BMPER: variants seen among roughly 807,000 people sequenced by gnomAD.
BMPER encodes the protein BMP-binding endothelial regulator protein.
BMPER carries 45 observed loss-of-function variants against 87.3 expected under a neutral mutation model. The ratio of observed to expected loss-of-function variants is 0.52; its 90% confidence interval spans 0.41 to 0.66. The LOEUF is 0.66. BMPER is among the 30% of genes least tolerant of loss of function. The pLI, the probability that BMPER is intolerant of heterozygous loss-of-function variation, is 0.00. For missense variants in BMPER, 784 were observed against 867.5 expected, an observed-to-expected ratio of 0.90 and a Z score of 1.21; for synonymous variants, 326 against 316.2, an observed-to-expected ratio of 1.03 and a Z score of -0.33.
chr7:33,949,613 C>T (rs923094203), intron 3 of BMPER, among the ~76,000 whole-genome samples: 33 of 149,026 alleles, frequency 2.2e-4, no homozygotes, highest in Non-Finnish European at 3.3e-4. Flanking sequence ...TTTTTTTTTT[C>T]CCCATGATTT....
At chr7:34,148,627 G>A (rs1297422318) in intron 14 of BMPER, among the ~76,000 whole-genome samples, 1 of 152,024 alleles carries the variant, frequency 6.6e-6, no homozygotes, top group East Asian at 1.9e-4. Context: ...TTCTCTAGTA[G>A]TTTTCATTTC....
chr7:33,974,564 C>A (rs1351608802), intron 5 of BMPER, 138 bp from the exon 6 acceptor site: 6 of 860,992 alleles, frequency 7.0e-6, no homozygotes, highest in Non-Finnish European at 1.2e-5. Context: ...TTTCACTATG[C>A]AGCAATCTTG....
intron 3 of BMPER, among the ~76,000 whole-genome samples, chr7:33,964,931 C>A (rs560339490): frequency 6.6e-6 from 1 of 152,304 alleles, no homozygotes; most frequent in East Asian, 1.9e-4. Context: ...TTCCCTGCCT[C>A]CATCTCTCGG....
chr7:34,134,205 A>C (rs150396241), intron 13 of BMPER, among the ~76,000 whole-genome samples: 15 of 152,298 alleles, frequency 9.8e-5, no homozygotes, highest in African/African-American at 3.4e-4. Flanking sequence ...TACAGTAAGC[A>C]TGACGGTGAT....
At chr7:33,914,940 C>G (rs1438767412) in intron 2 of BMPER, among the ~76,000 whole-genome samples, 4 of 152,124 alleles carry the variant, frequency 2.6e-5, no homozygotes, top group Non-Finnish European at 5.9e-5. Context: ...TCTTCTTGGA[C>G]TATTTGAAAC....
chr7:34,032,115 A>G (rs907824745), intron 6 of BMPER, among the ~76,000 whole-genome samples: 7 of 151,330 alleles, frequency 4.6e-5, no homozygotes, highest in African/African-American at 1.5e-4. Context: ...CATGAACTCT[A>G]TGAGACTGAA....
chr7:33,930,571 A>G (rs1179666188), intron 2 of BMPER, among the ~76,000 whole-genome samples: 1 of 152,186 alleles, frequency 6.6e-6, no homozygotes, highest in Non-Finnish European at 1.5e-5. Context: ...TCGTTTGCTC[A>G]GGATTTCCCC....
At chr7:34,090,220 A>G (rs1160215284) in intron 13 of BMPER, among the ~76,000 whole-genome samples, 1 of 152,226 alleles carries the variant, frequency 6.6e-6, no homozygotes. Context: ...TTATTAGTGC[A>G]TTATAGAAAT....
chr7:33,989,680 A>C (rs1217388850), intron 6 of BMPER, among the ~76,000 whole-genome samples: 1 of 152,192 alleles, frequency 6.6e-6, no homozygotes, highest in Non-Finnish European at 1.5e-5. Flanking sequence ...TTGGACATGA[A>C]GTCCTTGCCC....
chr7:33,998,213 T>TG (rs1786473765), intron 6 of BMPER, among the ~76,000 whole-genome samples: 1 of 152,230 alleles, frequency 6.6e-6, no homozygotes, highest in Non-Finnish European at 1.5e-5. Context: ...TATCAACAGT[T>TG]GATTAACATT....
At chr7:34,072,518 C>A (rs1186203570) in intron 11 of BMPER, among the ~76,000 whole-genome samples, 4 of 151,882 alleles carry the variant, frequency 2.6e-5, no homozygotes, top group Non-Finnish European at 4.4e-5. Context: ...TTCAAACTTG[C>A]AAACAGCAGG....
chr7:34,086,526 G>C (rs1160926243), intron 13 of BMPER, among the ~76,000 whole-genome samples: 1 of 152,190 alleles, frequency 6.6e-6, no homozygotes, highest in Admixed American at 6.5e-5. Flanking sequence ...TTCTACCTGA[G>C]GAAGAGTTTA....
At chr7:34,144,558 A>C (rs1229854687) in intron 14 of BMPER, among the ~76,000 whole-genome samples, 1 of 151,294 alleles carries the variant, frequency 6.6e-6, no homozygotes, top group African/African-American at 2.4e-5. Flanking sequence ...AGATGGTGGC[A>C]GTGCATGTGG....
Position 34,055,144 on chromosome 7 carries a change from T to C in BMPER, c.787-19T>C, listed in dbSNP as rs769404470. On this transcript the variant is annotated intron_variant, in intron 8 of 14. Transcript: ENST00000649409. ...GGCGAAAATCATTTTTAATTTCTAT[T>C]TTGCCTTTGGGCCCCCAGGACTCTA... is the stretch of plus-strand genomic sequence containing the variant. 5 of 1,614,036 alleles carry C rather than the reference T, an allele frequency of 3.1e-6. No homozygotes were observed. The East Asian group carries it at 1.1e-4, about 36-fold the overall frequency.
chr7:33,920,415 G>GTT (rs1279108889), intron 2 of BMPER, among the ~76,000 whole-genome samples: 1 of 87,492 alleles, frequency 1.1e-5, no homozygotes, highest in Admixed American at 1.3e-4. Context: ...GGGAAACTCC[G>GTT]TTGTGTTTTT....
intron 13 of BMPER, among the ~76,000 whole-genome samples, chr7:34,089,562 C>A (rs981478069): frequency 6.6e-6 from 1 of 152,154 alleles, no homozygotes; most frequent in Non-Finnish European, 1.5e-5. Flanking sequence ...CGGCTCACTG[C>A]AACCTCTGCC....
chr7:33,944,794 T>G (rs1784845735), intron 3 of BMPER, among the ~76,000 whole-genome samples: 3 of 152,238 alleles, frequency 2.0e-5, no homozygotes, highest in Admixed American at 2.0e-4. Flanking sequence ...TGTCATTTGA[T>G]TCCTTTAAAT....
At chr7:33,941,975 C>A (rs1349299991) in intron 3 of BMPER, among the ~76,000 whole-genome samples, 1 of 152,102 alleles carries the variant, frequency 6.6e-6, no homozygotes, top group East Asian at 1.9e-4. Flanking sequence ...GTGGTCAGGC[C>A]TCTTGCGGAG....
intron 6 of BMPER, among the ~76,000 whole-genome samples, chr7:34,028,543 T>A (rs1174503031): frequency 6.7e-6 from 1 of 150,006 alleles, no homozygotes; most frequent in African/African-American, 2.4e-5. Context: ...TTTTCATATG[T>A]GATGGCATCA....
Sources: gnomAD v4.1 joint callset for allele counts (sites outside exome capture counted in the v4.1 genomes callset) on GRCh38, gnomAD v4.1.1 for gene constraint, MANE v1.5 for transcripts, NCBI Gene and HGNC (gene_info 2026-07-23, HGNC 2026-07-21) for gene names.